Variants in DYNC2I1 observed in about 807,000 individuals in gnomAD.
DYNC2I1 encodes the protein cytoplasmic dynein 2 intermediate chain 1.
DYNC2I1 carries 89 observed loss-of-function variants against 133.4 expected under a neutral mutation model. The ratio of observed to expected loss-of-function variants is 0.67; its 90% CI spans 0.56 to 0.80. The LOEUF (loss-of-function observed/expected upper bound fraction) is 0.80, where lower values mean the gene tolerates loss of function less well. Ranked by LOEUF, DYNC2I1 falls within the 30% of genes least tolerant of loss-of-function variation. The pLI, the probability that DYNC2I1 is intolerant of heterozygous loss-of-function variation, is 0.00. For missense variants in DYNC2I1, 1,291 were observed against 1,314.5 expected, an observed-to-expected ratio of 0.98 and a Z score of 0.28; for synonymous variants, 504 against 484.3, an observed-to-expected ratio of 1.04 and a Z score of -0.54.
intron 20 of DYNC2I1, among the ~76,000 whole-genome samples, chr7:158,928,640 T>G (rs891998443): frequency 2.6e-5 from 4 of 152,192 alleles, no homozygotes; most frequent in African/African-American, 4.8e-5. Context: ...GGAGCCGTTC[T>G]GCTCTGTGTT....
chr7:158,907,406 A>G (rs1403183363), intron 11 of DYNC2I1, among the ~76,000 whole-genome samples: 2 of 151,950 alleles, frequency 1.3e-5, no homozygotes, highest in Non-Finnish European at 2.9e-5. Context: ...AATATGAGAT[A>G]AAATTATATT....
At chr7:158,911,872 G>A (rs1033742894) in intron 12 of DYNC2I1, among the ~76,000 whole-genome samples, 193 bp downstream of exon 12, 3 of 152,238 alleles carry the variant, frequency 2.0e-5, no homozygotes, top group African/African-American at 7.2e-5. Flanking sequence ...AGGCAAAGCC[G>A]GAGGCACTCC....
At chr7:158,887,893 C>T (rs886903021) in intron 7 of DYNC2I1, among the ~76,000 whole-genome samples, 7 of 152,072 alleles carry the variant, frequency 4.6e-5, no homozygotes, top group African/African-American at 1.4e-4. Context: ...AGTACATCAG[C>T]GTTTCTCCAC....
rs145986588 is a variant in DYNC2I1 at position 158,891,868 on chromosome 7, C to T, written c.1059+535C>T. On this transcript the variant is annotated intron_variant, in intron 8 of 24. Transcript: ENST00000407559. The stretch of plus-strand genomic sequence containing the variant: ...GTATCCTCATATAAGGGAAGAATTG[C>T]GGACGGGGCCTCTGAAGGACGTAGC... Among the ~76,000 whole-genome samples the T allele has an allele frequency of 6.7e-3, 770 of 114,628 alleles. 3 individuals carry two copies. Among genetic ancestry groups the T allele is most frequent in the Non-Finnish European group, 0.013 (608 of 47,170 alleles). 75.2% of individuals were successfully genotyped at this position (114,628 alleles called of 152,430 possible). A position where few individuals can be genotyped will look rare whatever the true frequency, so the allele number is the denominator to read the frequency against.
intron 4 of DYNC2I1, 42 bp downstream of exon 4, chr7:158,876,733 C>A (rs771427155): frequency 1.3e-6 from 2 of 1,505,006 alleles, no homozygotes; most frequent in Admixed American, 5.6e-5. Flanking sequence ...CCAAATGTTG[C>A]CAAGTAAAGG....
intron 12 of DYNC2I1, among the ~76,000 whole-genome samples, chr7:158,912,187 C>T (rs760976084): frequency 6.6e-6 from 1 of 152,160 alleles, no homozygotes; most frequent in Non-Finnish European, 1.5e-5. Flanking sequence ...TTCTCCTATT[C>T]CAGAGTTCCT....
intron 8 of DYNC2I1, among the ~76,000 whole-genome samples, chr7:158,896,572 A>G (rs1845779975): frequency 6.6e-6 from 1 of 152,154 alleles, no homozygotes; most frequent in Non-Finnish European, 1.5e-5. Flanking sequence ...GTCATGCTCA[A>G]GCAATCTTAA....
intron 10 of DYNC2I1, chr7:158,905,239 C>G (rs576016799): frequency 2.8e-6 from 1 of 358,214 alleles, no homozygotes; most frequent in East Asian, 8.0e-5. Flanking sequence ...TTCCTGGATT[C>G]AAGCGATTCT....
intron 8 of DYNC2I1, among the ~76,000 whole-genome samples, chr7:158,900,432 ATCTATGT>A (rs1464680448): frequency 6.6e-6 from 1 of 152,052 alleles, no homozygotes; most frequent in Non-Finnish European, 1.5e-5. Context: ...TGTAATTCTT[ATCTATGT>A]TCCTCAGTAG....
At chr7:158,884,812 GA>G (rs1429469929) in intron 6 of DYNC2I1, among the ~76,000 whole-genome samples, 193 bp downstream of exon 6, 2 of 152,120 alleles carry the variant, frequency 1.3e-5, no homozygotes, top group African/African-American at 2.4e-5. Context: ...GAGGAGCTTG[GA>G]AACTTAATAT....
At chr7:158,958,418 A>T (rs1203637488), downstream of DYNC2I1, among the ~76,000 whole-genome samples, 5 of 152,224 alleles carry the variant, frequency 3.3e-5, no homozygotes, top group East Asian at 9.6e-4. Flanking sequence ...TGCGCGGATC[A>T]GCTGCTGGTG....
At position 158,871,125 on chromosome 7, in the gene DYNC2I1, T is replaced by G. The variant is rs1384760060; in HGVS notation, c.70-17T>G. On this transcript the variant is annotated splice_polypyrimidine_tract_variant and intron_variant, in intron 2 of 24. Transcript: ENST00000407559. ...TGCCTTCCTGGTCACGGAGGACCCTTTGTTCTCTTGTTTCAGGCCATACAG... is the reference window on the plus strand; with the variant it reads ...TGCCTTCCTGGTCACGGAGGACCCTGTGTTCTCTTGTTTCAGGCCATACAG... 1.9e-6 allele frequency: 3 copies of G among 1,601,316 alleles called. No individual in the cohort carries two copies. The Admixed American group carries it at 5.3e-5, about 28-fold the overall frequency.
chr7:158,848,462 A>C, the DYNC2I1 span, among the ~76,000 whole-genome samples: 542 of 152,332 alleles, frequency 3.6e-3, 4 homozygotes, highest in African/African-American at 0.013. Flanking sequence ...CTGATGCTTA[A>C]TTAAACATTA....
intron 12 of DYNC2I1, among the ~76,000 whole-genome samples, chr7:158,912,412 C>T (rs528381976): frequency 1.1e-4 from 17 of 152,210 alleles, no homozygotes; most frequent in South Asian, 2.1e-4. Context: ...AGGAAGGTCA[C>T]GGGATGAAGC....
rs532203363 is a variant in DYNC2I1 at position 158,887,365 on chromosome 7, A to G, written c.990+290A>G. Among the ~76,000 whole-genome samples, 181 of 152,360 alleles carry G rather than the reference A, an allele frequency of 1.2e-3. 1 individual carries two copies. The highest frequency in any genetic ancestry group is 2.2e-3 in the Admixed American group (33 of 15,302). Reference sequence around the variant, plus strand: ...AACAGATTTTGAGACAGAAAGTGTTACTAGAGAGAGACAATTCAGAATGAG... The same window carrying G: ...AACAGATTTTGAGACAGAAAGTGTTGCTAGAGAGAGACAATTCAGAATGAG... On this transcript the variant is annotated intron_variant, in intron 7 of 24. Coordinates refer to ENST00000407559, the MANE Select transcript of DYNC2I1 (RefSeq NM_018051.5).
rs993179683 is a variant in DYNC2I1 at position 158,902,599 on chromosome 7, A to C, written c.1357+4A>C. ...TTTGAAAAGGAGCCCAGGACAGGTA[A>C]ACAAATCAATGCTACTAATGGTGTC... is the stretch of plus-strand genomic sequence containing the variant. On this transcript the variant is annotated splice_donor_region_variant and intron_variant, in intron 10 of 24. Transcript: ENST00000407559. 1 of 1,612,954 alleles carries C rather than the reference A, an allele frequency of 6.2e-7. No homozygotes were observed. Among genetic ancestry groups the C allele is most frequent in the Non-Finnish European group, 8.5e-7 (1 of 1,179,574 alleles).
chr7:158,907,105 C>CCG (rs1846899598), intron 11 of DYNC2I1, among the ~76,000 whole-genome samples: 1 of 151,692 alleles, frequency 6.6e-6, no homozygotes, highest in Non-Finnish European at 1.5e-5. Context: ...CTGCACTGAG[C>CCG]TGTGGCTGCA....
upstream of DYNC2I1, among the ~76,000 whole-genome samples, chr7:158,855,271 G>C (rs1841157273): frequency 6.6e-6 from 1 of 152,176 alleles, no homozygotes; most frequent in Non-Finnish European, 1.5e-5. Context: ...TGATTGGTCA[G>C]AGATGAAATC....
At chr7:158,934,261 C>A in intron 22 of DYNC2I1, 33 bp downstream of exon 22, 1 of 1,573,204 alleles carries the variant, frequency 6.4e-7, no homozygotes, top group South Asian at 1.2e-5. Context: ...TCCTATTACT[C>A]ATTCTCCTTG....
Sources: gnomAD v4.1 joint callset for allele counts (sites outside exome capture counted in the v4.1 genomes callset) on GRCh38, gnomAD v4.1.1 for gene constraint, MANE v1.5 for transcripts, NCBI Gene and HGNC (gene_info 2026-07-23, HGNC 2026-07-21) for gene names.